The following IKZF1 variants were observed in gnomAD, a reference collection of about 807,000 sequenced individuals.
The protein encoded by IKZF1 is IKAROS family zinc finger 1, also known as DNA-binding protein Ikaros.
IKZF1 carries 10 observed loss-of-function variants against 51.7 expected under a neutral mutation model. The observed-to-expected ratio is 0.19, with a 90% CI of 0.12 to 0.33. The LOEUF (loss-of-function observed/expected upper bound fraction) is 0.33. Among genes scored for constraint, IKZF1 ranks in the 10% least tolerant of loss-of-function variants. IKZF1 has a pLI of 1.00. For synonymous variants in IKZF1, 280 were observed against 282.3 expected, an observed-to-expected ratio of 0.99 and a Z score of 0.08; for missense variants, 484 against 707.5, an observed-to-expected ratio of 0.68 and a Z score of 3.58.
chr7:50,382,489 A>C, intron 4 of IKZF1, 51 bp from the exon 5 acceptor site: 2 of 1,566,030 alleles, frequency 1.3e-6, no homozygotes, highest in South Asian at 2.3e-5. Flanking sequence ...CATCGTCCTC[A>C]TGTCCCCACG....
In IKZF1 at chr7:50,387,512, C is replaced by G. The variant is rs758053225; in HGVS notation, c.715+42C>G. ...GGAGGCCAGCCTGGTGGGCTCTCCC[C>G]CCAGCACGGTGGGGAAGGAGGGCGC... On this transcript the variant is annotated intron_variant, in intron 6 of 7. Transcript: ENST00000331340. The G allele has an allele frequency of 1.8e-5, 29 of 1,571,864 alleles. No homozygotes were observed. The East Asian group carries it at 4.9e-4, about 26-fold the overall frequency.
At chr7:50,327,036 G>A (rs1795204613) in intron 2 of IKZF1, among the ~76,000 whole-genome samples, 1 of 152,140 alleles carries the variant, frequency 6.6e-6, no homozygotes. Flanking sequence ...AGCTTACAGG[G>A]GGAAGAGTTG....
At chr7:50,323,652 G>A (rs1794039977) in intron 2 of IKZF1, among the ~76,000 whole-genome samples, 1 of 152,106 alleles carries the variant, frequency 6.6e-6, no homozygotes, top group Non-Finnish European at 1.5e-5. Flanking sequence ...AAGTGAAATT[G>A]TATTGCATCT....
intron 3 of IKZF1, among the ~76,000 whole-genome samples, chr7:50,365,279 T>TGAACACGGATGGTACAG (rs1806547431): frequency 6.6e-6 from 1 of 152,248 alleles, no homozygotes; most frequent in African/African-American, 2.4e-5. Flanking sequence ...TTTATGTGCC[T>TGAACACGGATGGTACAG]GAACACGGAT....
chr7:50,332,874 CTG>C (rs1408594873), intron 3 of IKZF1, among the ~76,000 whole-genome samples: 1 of 152,136 alleles, frequency 6.6e-6, no homozygotes, highest in Non-Finnish European at 1.5e-5. Context: ...TTCTCTGGCT[CTG>C]TGCACTGGAG....
chr7:50,331,438 CAA>C (rs1188513813), intron 3 of IKZF1, among the ~76,000 whole-genome samples: 70 of 106,186 alleles, frequency 6.6e-4, no homozygotes, highest in South Asian at 2.6e-3. Context: ...CTAAAAGATG[CAA>C]AAAAAAAAAA....
intron 3 of IKZF1, among the ~76,000 whole-genome samples, chr7:50,365,400 A>G (rs1806595931): frequency 6.6e-6 from 1 of 152,236 alleles, no homozygotes; most frequent in Non-Finnish European, 1.5e-5. Context: ...TGAACCACAT[A>G]TTTGGGACAA....
At chr7:50,335,116 G>A (rs1262243941) in intron 3 of IKZF1, among the ~76,000 whole-genome samples, 1 of 150,206 alleles carries the variant, frequency 6.7e-6, no homozygotes, top group Non-Finnish European at 1.5e-5. Context: ...GTGTGTATAT[G>A]TTTATGGGAT....
intron 6 of IKZF1, among the ~76,000 whole-genome samples, chr7:50,391,344 C>T (rs965494872): frequency 2.0e-5 from 3 of 152,126 alleles, no homozygotes; most frequent in African/African-American, 4.8e-5. Flanking sequence ...CAGTTCTTTG[C>T]GTCTCAGAGG....
chr7:50,404,183 T>G lies in IKZF1; in HGVS notation c.*3556T>G, dbSNP rs925096680. On this transcript the variant is annotated 3_prime_UTR_variant, in exon 8 of 8. Coordinates refer to ENST00000331340, the MANE Select transcript of IKZF1 (RefSeq NM_006060.6). ...TAATACAGTTTTTTATAATGTTGTG[T>G]GTGGTGATTGTTCAGGTCGAATCTG... 4.6e-6 allele frequency: 1 copy of G among 215,142 alleles called. No homozygotes were observed. Among genetic ancestry groups the G allele is most frequent in the African/African-American group, 2.3e-5 (1 of 44,274 alleles). The allele number at this position is 215,142 out of a possible 1,614,324, so 13.3% of individuals were successfully genotyped here. A position where few individuals can be genotyped will look rare whatever the true frequency, so the allele number is the denominator to read the frequency against.
intron 3 of IKZF1, among the ~76,000 whole-genome samples, chr7:50,333,896 G>T (rs1461180443): frequency 6.6e-6 from 1 of 152,128 alleles, no homozygotes; most frequent in Admixed American, 6.5e-5. Context: ...TTGTCAGCAT[G>T]AACATATCCA....
chr7:50,320,104 C>A (rs183909331), intron 2 of IKZF1, among the ~76,000 whole-genome samples: 2 of 152,276 alleles, frequency 1.3e-5, no homozygotes, highest in Admixed American at 1.3e-4. Context: ...TAAACTCTCC[C>A]AGGTGCAAAG....
intron 2 of IKZF1, among the ~76,000 whole-genome samples, chr7:50,324,717 C>T (rs933594278): frequency 1.3e-5 from 2 of 152,224 alleles, no homozygotes; most frequent in Non-Finnish European, 2.9e-5. Flanking sequence ...CCATCCTCAA[C>T]AAATTGTAGT....
chr7:50,347,500 T>G (rs1800681456), intron 3 of IKZF1, among the ~76,000 whole-genome samples: 1 of 152,162 alleles, frequency 6.6e-6, no homozygotes, highest in Admixed American at 6.5e-5. Context: ...TTTTGCGAGT[T>G]GCCTAAAGTG....
chr7:50,321,099 G>A (rs1401068304), intron 2 of IKZF1, among the ~76,000 whole-genome samples: 2 of 152,246 alleles, frequency 1.3e-5, no homozygotes, highest in Non-Finnish European at 2.9e-5. Context: ...TGCCCATAAC[G>A]TTTAGGAAAA....
At chr7:50,398,053 T>C (rs530815834) in intron 7 of IKZF1, among the ~76,000 whole-genome samples, 6 of 152,222 alleles carry the variant, frequency 3.9e-5, no homozygotes, top group Non-Finnish European at 7.3e-5. Context: ...GGACTATTAG[T>C]AAATGTATGA....
intron 3 of IKZF1, among the ~76,000 whole-genome samples, chr7:50,363,123 A>G (rs910864922): frequency 2.0e-5 from 3 of 152,222 alleles, no homozygotes; most frequent in African/African-American, 7.2e-5. Context: ...TGCATGGGCT[A>G]CATAGGAGAG....
rs1359829691 is a variant in IKZF1, at chr7:50,400,775, A to G, written c.*148A>G. The G allele has an allele frequency of 3.8e-6, 4 of 1,066,054 alleles. No individual in the cohort carries two copies. Among genetic ancestry groups the G allele is most frequent in the Non-Finnish European group, 5.3e-6 (4 of 756,032 alleles). 66.0% of individuals were successfully genotyped at this position (1,066,054 alleles called of 1,614,324 possible). ...GTAACTGTTTTTTGTTTTTTGTTTG[A>G]GTTGGTTGATTGGGGTTTGATTTGC... On this transcript the variant is annotated 3_prime_UTR_variant, in exon 8 of 8. Coordinates refer to ENST00000331340, the MANE Select transcript of IKZF1 (RefSeq NM_006060.6). The surrounding 1 kb of genome is among the most constrained non-coding windows in gnomAD (Gnocchi z 5.4).
intron 3 of IKZF1, chr7:50,328,940 G>T (rs988745465): frequency 6.6e-6 from 1 of 152,002 alleles, no homozygotes; most frequent in African/African-American, 2.4e-5. Context: ...GGGCGTAGTG[G>T]TGGGCGCCTG....
Sources: allele counts gnomAD v4.1 joint callset (sites outside exome capture counted in the v4.1 genomes callset), GRCh38; gene constraint gnomAD v4.1.1; non-coding constraint Gnocchi (gnomAD v3.1); transcripts MANE v1.5; gene names NCBI Gene and HGNC (gene_info 2026-07-23, HGNC 2026-07-21).